DAD1: variants seen among roughly 807,000 people sequenced by gnomAD.
The protein encoded by DAD1 is defender against cell death 1.
In DAD1, 4 loss-of-function variants were observed where a neutral mutation model predicts 9.0. The ratio of observed to expected loss-of-function variants is 0.44; its 90% CI spans 0.22 to 1.01. The LOEUF (loss-of-function observed/expected upper bound fraction) is 1.01. Among genes scored for constraint, DAD1 ranks in the 50% least tolerant of loss-of-function variants. DAD1 has a pLI of 0.24. For synonymous variants in DAD1, 60 were observed against 62.5 expected (o/e 0.96, Z 0.19); for missense variants, 119 against 137.3 (o/e 0.87, Z 0.67).
intron 2 of DAD1, among the ~76,000 whole-genome samples, chr14:22,566,820 A>C (rs886542952): frequency 1.3e-5 from 2 of 152,220 alleles, no homozygotes; most frequent in Non-Finnish European, 2.9e-5. Context: ...GCAAAAATTG[A>C]CTCATGAGAG....
chr14:22,582,758 C>A (rs2037126168), intron 1 of DAD1, among the ~76,000 whole-genome samples: 1 of 152,164 alleles, frequency 6.6e-6, no homozygotes, highest in Non-Finnish European at 1.5e-5. Context: ...GTAATCCCAG[C>A]ACTTTGGGAG....
At chr14:22,571,760 GC>G (rs1331939507) in intron 2 of DAD1, among the ~76,000 whole-genome samples, 2 of 151,442 alleles carry the variant, frequency 1.3e-5, no homozygotes, top group African/African-American at 4.9e-5. Context: ...CTCCCGAGTA[GC>G]TGGGATTACA....
chr14:22,588,546 G>T (rs1421076455), intron 1 of DAD1, among the ~76,000 whole-genome samples: 1 of 152,198 alleles, frequency 6.6e-6, no homozygotes, highest in Non-Finnish European at 1.5e-5. Context: ...TCATTGAAAC[G>T]TTTCACCGGA....
intron 2 of DAD1, among the ~76,000 whole-genome samples, chr14:22,569,463 A>G (rs941909277): frequency 2.6e-5 from 4 of 152,126 alleles, no homozygotes; most frequent in African/African-American, 9.7e-5. Flanking sequence ...ATTCATTCAT[A>G]CACTCATTCA....
intron 2 of DAD1, among the ~76,000 whole-genome samples, chr14:22,573,487 G>A (rs1026873581): frequency 2.6e-5 from 4 of 151,836 alleles, no homozygotes; most frequent in African/African-American, 9.7e-5. Flanking sequence ...GGCCAAGGCG[G>A]GCGGATCACC....
intron 2 of DAD1, among the ~76,000 whole-genome samples, chr14:22,571,742 G>A (rs1339964922): frequency 6.7e-6 from 1 of 148,890 alleles, no homozygotes; most frequent in Non-Finnish European, 1.5e-5. Flanking sequence ...CGATTCTCCT[G>A]CCTTAGCCTC....
rs1199151313 is a variant in DAD1, at chr14:22,575,738, G to A, written c.212-505C>T. Among the ~76,000 whole-genome samples the A allele has an allele frequency of 6.6e-5, 10 of 152,236 alleles. No individual in the cohort carries two copies. The South Asian group carries it at 1.0e-3, about 16-fold the overall frequency. The stretch of plus-strand genomic sequence containing the variant: ...AATTTTTTGTATTTTTAGTAGAGAC[G>A]GGGTTTCACCATGCTGACCAGGCTG... On this transcript the variant is annotated intron_variant, in intron 1 of 2. Coordinates refer to ENST00000250498, the MANE Select transcript of DAD1 (RefSeq NM_001344.4).
At chr14:22,575,364 G>T in intron 1 of DAD1, 131 bp from the exon 2 acceptor site, 2 of 984,854 alleles carry the variant, frequency 2.0e-6, no homozygotes. Context: ...ACATCAAAGG[G>T]CATACACAGA....
intron 1 of DAD1, among the ~76,000 whole-genome samples, chr14:22,577,750 G>A (rs112643372): frequency 3.3e-5 from 5 of 152,290 alleles, no homozygotes; most frequent in African/African-American, 1.2e-4. Context: ...AACAGAAAGT[G>A]GAATGGTAGA....
At position 22,588,973 on chromosome 14, in the gene DAD1, G is replaced by A; in HGVS notation, c.185C>T (p.Ser62Phe). ...PFNSFLSGFI[S>F]CVGSFILAVC... ...CGCTAGGATGAAACTCCCCACACAA[G>A]AGATGAAGCCCGAGAGAAAAGAGTT... is the stretch of plus-strand genomic sequence containing the variant. Residue 62 changes from serine to phenylalanine, a missense_variant, in exon 1 of 3, where the codon TCT becomes TTT. Ser to Phe is a radical substitution (Grantham distance 155, BLOSUM62 -2). Transcript: ENST00000250498. 1 of 1,614,152 alleles carries A rather than the reference G, an allele frequency of 6.2e-7. No homozygotes were observed. The highest frequency in any genetic ancestry group is 8.5e-7 in the Non-Finnish European group (1 of 1,180,022).
intron 1 of DAD1, among the ~76,000 whole-genome samples, chr14:22,580,585 A>T (rs1224189081): frequency 6.6e-6 from 1 of 152,116 alleles, no homozygotes; most frequent in Non-Finnish European, 1.5e-5. Flanking sequence ...ATGAGGGAAA[A>T]AAAGAAAAAT....
chr14:22,568,429 A>T (rs1412273876), intron 2 of DAD1, among the ~76,000 whole-genome samples: 1 of 152,252 alleles, frequency 6.6e-6, no homozygotes, highest in Non-Finnish European at 1.5e-5. Flanking sequence ...GGATAATGGG[A>T]ATCTGAAAAT....
intron 1 of DAD1, among the ~76,000 whole-genome samples, chr14:22,579,084 T>C (rs570188193): frequency 2.0e-5 from 3 of 152,298 alleles, no homozygotes; most frequent in South Asian, 4.1e-4. Flanking sequence ...CAGTTCTCGA[T>C]AAACTATCTT....
chr14:22,587,889 C>T (rs557294210), intron 1 of DAD1, among the ~76,000 whole-genome samples: 88 of 152,238 alleles, frequency 5.8e-4, no homozygotes, highest in African/African-American at 1.3e-3. Context: ...GTGTGTGCCA[C>T]CATGCCTGGC....
At chr14:22,582,588 T>C (rs1012419162) in intron 1 of DAD1, among the ~76,000 whole-genome samples, 7 of 151,996 alleles carry the variant, frequency 4.6e-5, no homozygotes, top group African/African-American at 9.7e-5. Context: ...AGGGGAATGG[T>C]AGTAAAAATG....
At chr14:22,567,368 A>T (rs2037008261) in intron 2 of DAD1, among the ~76,000 whole-genome samples, 1 of 152,258 alleles carries the variant, frequency 6.6e-6, no homozygotes, top group African/African-American at 2.4e-5. Flanking sequence ...TAGTCACCCA[A>T]TTAAAACTGA....
rs781587392 is a variant in DAD1 at position 22,589,141 on chromosome 14, A to C, written c.17T>G (p.Val6Gly). MSASV[V>G]SVISRFLEEY... ...TTCTAAGAACCGCGAAATGACAGAC[A>C]CTACCGACGCCGACATAACTGCACG... is the stretch of plus-strand genomic sequence containing the variant. The change falls in exon 1 of 3, where the codon GTG becomes GGG. Residue 6 changes from valine to glycine, a missense_variant. Coordinates refer to ENST00000250498, the MANE Select transcript of DAD1 (RefSeq NM_001344.4). 2 of 1,614,088 alleles carry C rather than the reference A, an allele frequency of 1.2e-6. No individual in the cohort carries two copies. Among genetic ancestry groups the C allele is most frequent in the South Asian group, 2.2e-5 (2 of 91,086 alleles).
chr14:22,588,368 T>C (rs1408190623), intron 1 of DAD1, among the ~76,000 whole-genome samples: 2 of 152,040 alleles, frequency 1.3e-5, no homozygotes, highest in Non-Finnish European at 2.9e-5. Context: ...AATCCTGGAA[T>C]CAAAAGGAAA....
At chr14:22,575,812 G>A (rs994700091) in intron 1 of DAD1, among the ~76,000 whole-genome samples, 1 of 152,296 alleles carries the variant, frequency 6.6e-6, no homozygotes, top group South Asian at 2.1e-4. Flanking sequence ...TTCCCAAAGT[G>A]CTGGGATTAC....
Sources: allele counts gnomAD v4.1 joint callset (sites outside exome capture counted in the v4.1 genomes callset), GRCh38; gene constraint gnomAD v4.1.1; transcripts MANE v1.5; gene names NCBI Gene and HGNC (gene_info 2026-07-23, HGNC 2026-07-21).